The following PRICKLE2 variants were observed in gnomAD, a reference collection of about 807,000 sequenced individuals.
The protein encoded by PRICKLE2 is prickle planar cell polarity protein 2, also known as prickle-like protein 2.
PRICKLE2 carries 21 observed loss-of-function variants against 81.4 expected under a neutral mutation model. The ratio of observed to expected loss-of-function variants is 0.26; its 90% CI spans 0.18 to 0.37. PRICKLE2 has a LOEUF of 0.37. PRICKLE2 is among the 10% of genes least tolerant of loss of function. The probability of loss-of-function intolerance (pLI) is 1.00; values close to 1 mark genes in which losing one functional copy is unlikely to be tolerated. For synonymous variants in PRICKLE2, 456 were observed against 421.5 expected, an observed-to-expected ratio of 1.08 and a Z score of -1.00; for missense variants, 940 against 1,109.0, an observed-to-expected ratio of 0.85 and a Z score of 2.16.
intron 2 of PRICKLE2, among the ~76,000 whole-genome samples, chr3:64,231,798 T>C (rs1027333769): frequency 1.3e-5 from 2 of 152,188 alleles, no homozygotes; most frequent in Non-Finnish European, 2.9e-5. Flanking sequence ...GCATTTATTA[T>C]CCCCTATCAT....
chr3:64,250,284 A>T (rs777807466), intron 2 of PRICKLE2, among the ~76,000 whole-genome samples: 4 of 152,180 alleles, frequency 2.6e-5, no homozygotes, highest in Non-Finnish European at 5.9e-5. Context: ...GTACTGTAGG[A>T]TATTTAGCAG....
chr3:64,236,871 CTCAG>C (rs1488550747), intron 2 of PRICKLE2, among the ~76,000 whole-genome samples: 1 of 152,200 alleles, frequency 6.6e-6, no homozygotes, highest in African/African-American at 2.4e-5. Context: ...ACCAGGAGTG[CTCAG>C]TAAGTGTAAG....
intron 1 of PRICKLE2, among the ~76,000 whole-genome samples, chr3:64,207,568 A>T (rs2078709193): frequency 6.6e-6 from 1 of 152,126 alleles, no homozygotes. Flanking sequence ...CAGCAAATAG[A>T]TGTGCATTAT....
intron 1 of PRICKLE2, among the ~76,000 whole-genome samples, chr3:64,224,512 T>C (rs1407133608): frequency 6.6e-6 from 1 of 152,186 alleles, no homozygotes; most frequent in Non-Finnish European, 1.5e-5. Flanking sequence ...TGAGTCCTTG[T>C]TCCTCAGATC....
intron 2 of PRICKLE2, among the ~76,000 whole-genome samples, chr3:64,192,314 T>C (rs1040989256): frequency 1.3e-5 from 2 of 152,176 alleles, no homozygotes; most frequent in African/African-American, 4.8e-5. Flanking sequence ...CAAGAAAGCA[T>C]GCAAGATTCC....
At chr3:64,253,638 C>T (rs1348095329) in intron 2 of PRICKLE2, among the ~76,000 whole-genome samples, 1 of 152,180 alleles carries the variant, frequency 6.6e-6, no homozygotes, top group Non-Finnish European at 1.5e-5. Flanking sequence ...ATTTGGAAGG[C>T]AACCATGAGA....
At chr3:64,139,026 A>T (rs1237383733) in intron 7 of PRICKLE2, among the ~76,000 whole-genome samples, 1 of 152,248 alleles carries the variant, frequency 6.6e-6, no homozygotes, top group Admixed American at 6.5e-5. Context: ...CATCTCAGAC[A>T]TTCTTGGTAA....
intron 2 of PRICKLE2, among the ~76,000 whole-genome samples, chr3:64,195,013 G>C (rs965609082): frequency 6.6e-6 from 1 of 152,062 alleles, no homozygotes; most frequent in Non-Finnish European, 1.5e-5. Flanking sequence ...CTGCCCTCCA[G>C]CCTGGGTGGC....
At chr3:64,263,596 T>A (rs1481980179) in intron 2 of PRICKLE2, among the ~76,000 whole-genome samples, 2 of 152,180 alleles carry the variant, frequency 1.3e-5, no homozygotes, top group African/African-American at 4.8e-5. Context: ...AGCTCAGGCC[T>A]TGAGCATTAG....
At chr3:64,155,023 C>T (rs2077607329) in intron 5 of PRICKLE2, 1 of 151,666 alleles carries the variant, frequency 6.6e-6, no homozygotes, top group South Asian at 2.1e-4. Flanking sequence ...GTGGTGCATG[C>T]TTCTAATCCC....
chr3:64,127,097 G>T (rs2077121152), intron 7 of PRICKLE2, among the ~76,000 whole-genome samples: 2 of 152,170 alleles, frequency 1.3e-5, no homozygotes, highest in South Asian at 2.1e-4. Flanking sequence ...GGGCAGACAG[G>T]CAATAAACAG....
intron 6 of PRICKLE2, among the ~76,000 whole-genome samples, chr3:64,151,850 T>G (rs1424039712): frequency 1.3e-5 from 2 of 152,124 alleles, no homozygotes; most frequent in Non-Finnish European, 2.9e-5. Context: ...GGGTACTGAG[T>G]TGAAGCAACA....
chr3:64,184,065 A>G (rs1265161758), intron 2 of PRICKLE2, among the ~76,000 whole-genome samples: 1 of 152,216 alleles, frequency 6.6e-6, no homozygotes, highest in Non-Finnish European at 1.5e-5. Flanking sequence ...CTTATATCTT[A>G]GAATGCTTTA....
intron 2 of PRICKLE2, among the ~76,000 whole-genome samples, chr3:64,264,199 G>A (rs1333567892): frequency 1.3e-5 from 2 of 152,146 alleles, no homozygotes; most frequent in Non-Finnish European, 2.9e-5. Context: ...GTAGCCTTGT[G>A]TCTCAGGGGA....
intron 1 of PRICKLE2, chr3:64,200,996 C>T (rs1220170487): frequency 2.0e-5 from 3 of 148,032 alleles, no homozygotes; most frequent in African/African-American, 7.6e-5. Flanking sequence ...GTGGCACGAT[C>T]TCGGCTCACT....
At chr3:64,113,572 A>C (rs571863299) in intron 7 of PRICKLE2, among the ~76,000 whole-genome samples, 1 of 152,032 alleles carries the variant, frequency 6.6e-6, no homozygotes, top group Non-Finnish European at 1.5e-5. Context: ...AATGCCCTAC[A>C]TCACTTTGCT....
chr3:64,126,513 C>T (rs116830089), intron 7 of PRICKLE2, among the ~76,000 whole-genome samples: 240 of 152,326 alleles, frequency 1.6e-3, no homozygotes, highest in Admixed American at 3.5e-3. Flanking sequence ...AACAACACTG[C>T]ATGATGGTTA....
At chr3:64,111,605 A>G (rs2076847752) in intron 7 of PRICKLE2, among the ~76,000 whole-genome samples, 1 of 152,248 alleles carries the variant, frequency 6.6e-6, no homozygotes, top group South Asian at 2.1e-4. Context: ...CTATTGTATA[A>G]ATATGAATTA....
At chr3:64,235,408 T>A (rs929704499) in intron 2 of PRICKLE2, among the ~76,000 whole-genome samples, 3 of 152,244 alleles carry the variant, frequency 2.0e-5, no homozygotes, top group African/African-American at 4.8e-5. Context: ...TTTTGTTTTC[T>A]TCCTGTATAT....
Sources: allele counts gnomAD v4.1 joint callset (sites outside exome capture counted in the v4.1 genomes callset), GRCh38; gene constraint gnomAD v4.1.1; transcripts MANE v1.5; gene names NCBI Gene and HGNC (gene_info 2026-07-23, HGNC 2026-07-21).